The following CNNM2 variants were observed in gnomAD, a reference collection of about 807,000 sequenced individuals.
CNNM2 encodes the protein metal transporter CNNM2.
CNNM2 carries 12 observed loss-of-function variants against 66.9 expected under a neutral mutation model. The ratio of observed to expected loss-of-function variants is 0.18; its 90% CI spans 0.11 to 0.29. CNNM2 has a LOEUF of 0.29. CNNM2 is among the 10% of genes least tolerant of loss of function. The pLI, the probability that CNNM2 is intolerant of heterozygous loss-of-function variation, is 1.00. For missense variants in CNNM2, 705 were observed against 1,167.7 expected, an observed-to-expected ratio of 0.60 and a Z score of 5.77; for synonymous variants, 557 against 501.8, an observed-to-expected ratio of 1.11 and a Z score of -1.47.
Position 102,918,377 on chromosome 10 carries a change from G to T in CNNM2, c.-104G>T. 6.6e-7 allele frequency: 1 copy of T among 1,517,010 alleles called. No individual in the cohort carries two copies. The highest frequency in any genetic ancestry group is 8.8e-7 in the Non-Finnish European group (1 of 1,139,080). 94.0% of individuals were successfully genotyped at this position (1,517,010 alleles called of 1,614,324 possible). A position where few individuals can be genotyped will look rare whatever the true frequency, so the allele number is the denominator to read the frequency against. ...GTGTCAGTCAGGGAGGCGAACTGCT[G>T]AGCACTGGCCGCGGACGCTCCGTTG... On this transcript the variant is annotated 5_prime_UTR_variant, in exon 1 of 8. Transcript: ENST00000369878. This position sits in a 1 kb window ranked among gnomAD's most constrained non-coding sequence, Gnocchi z 4.1.
At chr10:103,046,497 ACT>A (rs897759585) in intron 1 of CNNM2, among the ~76,000 whole-genome samples, 14 of 151,814 alleles carry the variant, frequency 9.2e-5, no homozygotes, top group Admixed American at 9.2e-4. Context: ...ACCCCTTGAA[ACT>A]CTTAAAAATG....
intron 1 of CNNM2, among the ~76,000 whole-genome samples, chr10:102,963,453 T>G (rs1376968191): frequency 6.6e-6 from 1 of 152,198 alleles, no homozygotes; most frequent in Non-Finnish European, 1.5e-5. Flanking sequence ...GTTTGTTCAG[T>G]TGGCTTGTCC....
intron 6 of CNNM2, among the ~76,000 whole-genome samples, chr10:103,072,486 C>T (rs947595236): frequency 5.9e-5 from 9 of 152,066 alleles, no homozygotes; most frequent in Non-Finnish European, 1.2e-4. Flanking sequence ...CTTCTCCCCG[C>T]CACCAGGCAG....
chr10:103,003,261 G>C (rs1057461062), intron 1 of CNNM2, among the ~76,000 whole-genome samples: 1 of 151,834 alleles, frequency 6.6e-6, no homozygotes, highest in Non-Finnish European at 1.5e-5. Context: ...TTACACGCAC[G>C]AGCCACCATA....
chr10:102,987,413 C>A (rs912166875), intron 1 of CNNM2, among the ~76,000 whole-genome samples: 1 of 152,086 alleles, frequency 6.6e-6, no homozygotes, highest in Non-Finnish European at 1.5e-5. Flanking sequence ...CTCCGCCTCC[C>A]AGGTTCACGC....
At chr10:102,984,826 T>C (rs2063772083) in intron 1 of CNNM2, among the ~76,000 whole-genome samples, 3 of 152,114 alleles carry the variant, frequency 2.0e-5, no homozygotes, top group Admixed American at 2.0e-4. Flanking sequence ...TTTGTATTTT[T>C]AGTAGAGGTG....
At chr10:103,073,818 C>T (rs998244782) in intron 6 of CNNM2, among the ~76,000 whole-genome samples, 4 of 146,336 alleles carry the variant, frequency 2.7e-5, no homozygotes, top group Non-Finnish European at 6.0e-5. Flanking sequence ...GCCGAGATTC[C>T]GCCACTGCAG....
intron 1 of CNNM2, among the ~76,000 whole-genome samples, chr10:102,975,485 AAAAC>A: frequency 6.6e-6 from 1 of 151,486 alleles, no homozygotes; most frequent in African/African-American, 2.4e-5. Flanking sequence ...AAAAAAAAAA[AAAAC>A]AAACCTCCAC....
intron 2 of CNNM2, among the ~76,000 whole-genome samples, chr10:103,052,818 G>A (rs534523373): frequency 2.0e-5 from 3 of 152,152 alleles, no homozygotes; most frequent in Non-Finnish European, 4.4e-5. Flanking sequence ...CCGATTTCAG[G>A]TATATTCTTG....
At chr10:103,002,308 A>T (rs2064136745) in intron 1 of CNNM2, among the ~76,000 whole-genome samples, 1 of 152,222 alleles carries the variant, frequency 6.6e-6, no homozygotes, top group African/African-American at 2.4e-5. Flanking sequence ...TGGGCAAAGG[A>T]TCTTAATAGA....
intron 6 of CNNM2, among the ~76,000 whole-genome samples, chr10:103,072,261 A>G (rs2065597677): frequency 6.6e-6 from 1 of 152,194 alleles, no homozygotes. Flanking sequence ...TATAGAGCAC[A>G]TTTGCCAAAG....
Position 103,079,611 on chromosome 10 carries a change from G to A in CNNM2, c.*2431G>A, listed in dbSNP as rs1476647265. ...CTTCTTAATACTGTCTTACGTGCTC[G>A]GTGTGATGGCTTCTTGCAAATTATT... On this transcript the variant is annotated 3_prime_UTR_variant, in exon 8 of 8. Transcript: ENST00000369878. 3.3e-5 allele frequency: 5 copies of A among 152,310 alleles called. No homozygotes were observed. Among genetic ancestry groups the A allele is most frequent in the East Asian group, 3.9e-4 (2 of 5,192 alleles). 9.4% of individuals were successfully genotyped at this position (152,310 alleles called of 1,614,324 possible).
chr10:103,015,877 C>T (rs1234337542), intron 1 of CNNM2, among the ~76,000 whole-genome samples: 1 of 151,790 alleles, frequency 6.6e-6, no homozygotes, highest in Non-Finnish European at 1.5e-5. Context: ...AAAAAACAAA[C>T]AAAAAACTCA....
chr10:103,007,005 C>A (rs765565071), intron 1 of CNNM2, among the ~76,000 whole-genome samples: 7 of 152,148 alleles, frequency 4.6e-5, no homozygotes, highest in Non-Finnish European at 1.0e-4. Context: ...AACCCACCCC[C>A]AGTATTTCAA....
At chr10:102,977,613 G>A (rs1464229191) in intron 1 of CNNM2, among the ~76,000 whole-genome samples, 1 of 152,112 alleles carries the variant, frequency 6.6e-6, no homozygotes, top group Non-Finnish European at 1.5e-5. Flanking sequence ...CTGAGGTCAG[G>A]AGTTCAAGAC....
chr10:103,054,531 T>A lies in CNNM2; in HGVS notation c.1903+65T>A. On this transcript the variant is annotated intron_variant, in intron 3 of 7. Transcript: ENST00000369878. The surrounding 1 kb of genome is among the most constrained non-coding windows in gnomAD (Gnocchi z 5.2). ...CTGAAGCGTGTTTCTCACCCACCACTGACTGGGGTGGGTTGGGGGTGGACA... is the reference window on the plus strand; with the variant it reads ...CTGAAGCGTGTTTCTCACCCACCACAGACTGGGGTGGGTTGGGGGTGGACA... The A allele has an allele frequency of 3.3e-6, 5 of 1,528,370 alleles. No individual in the cohort carries two copies. Among genetic ancestry groups the A allele is most frequent in the Non-Finnish European group, 3.6e-6 (4 of 1,114,548 alleles). The allele number at this position is 1,528,370 out of a possible 1,614,324, so 94.7% of individuals were successfully genotyped here. A position where few individuals can be genotyped will look rare whatever the true frequency, so the allele number is the denominator to read the frequency against.
At chr10:102,983,415 A>G (rs2063748487) in intron 1 of CNNM2, among the ~76,000 whole-genome samples, 1 of 149,728 alleles carries the variant, frequency 6.7e-6, no homozygotes, top group South Asian at 2.1e-4. Flanking sequence ...TAATCCCAGC[A>G]CTTTGGGAGG....
chr10:102,985,498 C>A (rs572477732), intron 1 of CNNM2, among the ~76,000 whole-genome samples: 47 of 152,232 alleles, frequency 3.1e-4, no homozygotes, highest in Non-Finnish European at 6.3e-4. Context: ...TCCCTTTCTT[C>A]CAAGGGAATG....
intron 1 of CNNM2, among the ~76,000 whole-genome samples, chr10:102,999,188 A>C (rs1590371489): frequency 6.7e-6 from 1 of 150,054 alleles, no homozygotes; most frequent in African/African-American, 2.5e-5. Context: ...CTCCCGCCTC[A>C]GCCTCCCGAG....
Sources: allele counts gnomAD v4.1 joint callset (sites outside exome capture counted in the v4.1 genomes callset), GRCh38; gene constraint gnomAD v4.1.1; non-coding constraint Gnocchi (gnomAD v3.1); transcripts MANE v1.5; gene names NCBI Gene and HGNC (gene_info 2026-07-23, HGNC 2026-07-21).